Variants in ASTN2 observed in about 807,000 individuals in gnomAD.
ASTN2 encodes the protein astrotactin-2.
In ASTN2, 54 loss-of-function variants were observed where a neutral mutation model predicts 139.8. The ratio of observed to expected loss-of-function variants is 0.39; its 90% CI spans 0.31 to 0.48. The LOEUF is 0.48. Among genes scored for constraint, ASTN2 ranks in the 20% least tolerant of loss-of-function variants. The pLI is 0.95. For missense variants in ASTN2, 1,565 were observed against 1,725.1 expected (o/e 0.91, Z 1.64); for synonymous variants, 756 against 719.5 (o/e 1.05, Z -0.81).
chr9:117,140,930 TA>T (rs1166801163), intron 4 of ASTN2, among the ~76,000 whole-genome samples: 1 of 152,170 alleles, frequency 6.6e-6, no homozygotes, highest in Non-Finnish European at 1.5e-5. Flanking sequence ...TGCTAAAAAG[TA>T]GGCGCAGACC....
At chr9:117,322,258 C>G (rs1321119546) in intron 1 of ASTN2, among the ~76,000 whole-genome samples, 1 of 152,190 alleles carries the variant, frequency 6.6e-6, no homozygotes, top group African/African-American at 2.4e-5. Flanking sequence ...CAAAACTGCA[C>G]ATTTTGAGGG....
intron 13 of ASTN2, among the ~76,000 whole-genome samples, chr9:116,742,404 G>A (rs757317117): frequency 6.6e-6 from 1 of 152,038 alleles, no homozygotes; most frequent in South Asian, 2.1e-4. Flanking sequence ...TTGTTGAAGA[G>A]GAAAGTCAAG....
In ASTN2 at chr9:116,976,253, G is replaced by A. The variant is rs116476687; in HGVS notation, c.1677-65C>T. On this transcript the variant is annotated intron_variant, in intron 8 of 22. Coordinates refer to ENST00000313400, the MANE Select transcript of ASTN2 (RefSeq NM_001365068.1). ...CAGAGGCAGGTAGAATTCACATGTG[G>A]ACACTGCTCTAGAGTAGCTTTACAA... is the stretch of plus-strand genomic sequence containing the variant. 13,793 of 1,344,604 alleles carry A rather than the reference G, an allele frequency of 0.01. 650 individuals are homozygous for A. In the African/African-American group the frequency reaches 0.13, roughly 13 times the overall value. 83.3% of individuals were successfully genotyped at this position (1,344,604 alleles called of 1,614,324 possible). A position where few individuals can be genotyped will look rare whatever the true frequency, so the allele number is the denominator to read the frequency against.
intron 10 of ASTN2, among the ~76,000 whole-genome samples, chr9:116,964,687 G>C (rs926092840): frequency 6.6e-6 from 1 of 152,186 alleles, no homozygotes; most frequent in Non-Finnish European, 1.5e-5. Flanking sequence ...TATGATGTGG[G>C]TAGTTTGTTC....
At chr9:117,220,041 C>T (rs750517865) in intron 2 of ASTN2, among the ~76,000 whole-genome samples, 23 of 152,164 alleles carry the variant, frequency 1.5e-4, no homozygotes, top group Non-Finnish European at 2.9e-4. Context: ...GCTGATAGTT[C>T]ACAGTGTGAA....
chr9:117,106,784 A>G (rs1829116043), intron 4 of ASTN2, among the ~76,000 whole-genome samples: 1 of 152,078 alleles, frequency 6.6e-6, no homozygotes, highest in African/African-American at 2.4e-5. Context: ...CTATCTATCT[A>G]TCTATCTGTC....
chr9:117,188,691 T>TAGATG (rs1250872522), intron 3 of ASTN2, among the ~76,000 whole-genome samples: 2 of 152,118 alleles, frequency 1.3e-5, no homozygotes, highest in Non-Finnish European at 2.9e-5. Context: ...AAAGCATGCA[T>TAGATG]AGATGAGAAT....
chr9:116,624,936 A>G (rs1856366335), intron 17 of ASTN2, among the ~76,000 whole-genome samples: 2 of 152,194 alleles, frequency 1.3e-5, no homozygotes, highest in Admixed American at 1.3e-4. Flanking sequence ...AGCATTTAAC[A>G]TAAGGCAGTC....
chr9:117,124,904 G>T (rs1465117967), intron 4 of ASTN2, among the ~76,000 whole-genome samples: 3 of 151,608 alleles, frequency 2.0e-5, no homozygotes, highest in African/African-American at 7.3e-5. Flanking sequence ...ACCTCTCTGT[G>T]TCTCAGTCTA....
chr9:116,462,117 G>A (rs1848504929), intron 20 of ASTN2, among the ~76,000 whole-genome samples: 2 of 152,118 alleles, frequency 1.3e-5, no homozygotes, highest in Admixed American at 6.6e-5. Flanking sequence ...TTAAACCCAA[G>A]CCTGATTCTA....
At chr9:117,371,675 A>G (rs1368523802) in intron 1 of ASTN2, among the ~76,000 whole-genome samples, 1 of 152,154 alleles carries the variant, frequency 6.6e-6, no homozygotes, top group Non-Finnish European at 1.5e-5. Context: ...GTGAGGATTA[A>G]TAATACCTGA....
intron 11 of ASTN2, among the ~76,000 whole-genome samples, chr9:116,855,645 T>C (rs1433251980): frequency 3.3e-5 from 5 of 152,216 alleles, no homozygotes; most frequent in African/African-American, 1.2e-4. Context: ...CCTAGGGAAC[T>C]ATTCTCAGCC....
chr9:116,921,891 A>G (rs1238542053), intron 10 of ASTN2, among the ~76,000 whole-genome samples: 1 of 152,162 alleles, frequency 6.6e-6, no homozygotes, highest in Non-Finnish European at 1.5e-5. Context: ...CATGGGGATT[A>G]TGGGAATTAA....
At position 117,049,324 on chromosome 9, in the gene ASTN2, G is replaced by A. The variant is rs112585726; in HGVS notation, c.1277-9359C>T. Among the ~76,000 whole-genome samples the A allele has an allele frequency of 9.6e-3, 1,466 of 152,072 alleles. 25 individuals are homozygous for A. Among genetic ancestry groups the A allele is most frequent in the African/African-American group, 0.033 (1,380 of 41,468 alleles). ...CTATATTCTGCATGTCCCTCTTAAA[G>A]CACCCAAGTATATATCTGGTATTAA... On this transcript the variant is annotated intron_variant, in intron 5 of 22. Coordinates refer to ENST00000313400, the MANE Select transcript of ASTN2 (RefSeq NM_001365068.1).
At chr9:116,446,299 AG>A in intron 20 of ASTN2, among the ~76,000 whole-genome samples, 2 of 151,264 alleles carry the variant, frequency 1.3e-5, no homozygotes, top group Non-Finnish European at 3.0e-5. Context: ...AGAGAGAGAG[AG>A]AGAGAGAGAA....
At chr9:117,366,621 C>T (rs565086392) in intron 1 of ASTN2, among the ~76,000 whole-genome samples, 2 of 152,200 alleles carry the variant, frequency 1.3e-5, no homozygotes, top group East Asian at 3.9e-4. Flanking sequence ...ATTTTTCCTG[C>T]ATCTTCCTGA....
At chr9:117,119,860 G>A (rs982431819) in intron 4 of ASTN2, among the ~76,000 whole-genome samples, 2 of 151,410 alleles carry the variant, frequency 1.3e-5, no homozygotes, top group African/African-American at 4.9e-5. Context: ...TTTCCTATGG[G>A]TAGATTTTGC....
intron 19 of ASTN2, among the ~76,000 whole-genome samples, chr9:116,560,854 A>G (rs1165493346): frequency 6.6e-6 from 1 of 152,190 alleles, no homozygotes; most frequent in Non-Finnish European, 1.5e-5. Flanking sequence ...GTAGAGAGGG[A>G]AAATAGTCAG....
At chr9:116,472,489 A>C (rs896862982) in intron 20 of ASTN2, among the ~76,000 whole-genome samples, 14 of 152,174 alleles carry the variant, frequency 9.2e-5, no homozygotes, top group Admixed American at 4.6e-4. Flanking sequence ...TGTCCCTAAC[A>C]CTGGGCAAAG....
Sources: gnomAD v4.1 joint callset for allele counts (sites outside exome capture counted in the v4.1 genomes callset) on GRCh38, gnomAD v4.1.1 for gene constraint, MANE v1.5 for transcripts, NCBI Gene and HGNC (gene_info 2026-07-23, HGNC 2026-07-21) for gene names.